The following CCAR2 variants were observed in gnomAD, a reference collection of about 807,000 sequenced individuals.
The protein encoded by CCAR2 is cell cycle and apoptosis regulator protein 2.
A neutral mutation model predicts 108.1 loss-of-function variants in CCAR2; 21 were observed. The observed-to-expected ratio is 0.19, with a 90% CI of 0.14 to 0.28. The LOEUF is 0.28. CCAR2 is among the 10% of genes least tolerant of loss of function. CCAR2 has a pLI of 1.00. For synonymous variants in CCAR2, 577 were observed against 472.8 expected, an observed-to-expected ratio of 1.22 and a Z score of -2.86; for missense variants, 1,126 against 1,177.0, an observed-to-expected ratio of 0.96 and a Z score of 0.63.
intron 14 of CCAR2, chr8:22,616,807 C>T (rs1451545295): frequency 2.1e-5 from 3 of 143,074 alleles, no homozygotes; most frequent in South Asian, 4.7e-4. Flanking sequence ...GAGAGTAAGA[C>T]TCTCTGTCTC....
intron 16 of CCAR2, chr8:22,618,071 G>A: frequency 1.7e-6 from 1 of 592,996 alleles, no homozygotes; most frequent in Admixed American, 3.0e-5. Flanking sequence ...TGAACATCAG[G>A]CAAGGTGCTT....
At chr8:22,611,388 A>ATGTGTGTGTGTGTG (rs145362940) in intron 7 of CCAR2, among the ~76,000 whole-genome samples, 1,785 of 128,428 alleles carry the variant, frequency 0.014, 51 homozygotes, top group African/African-American at 0.051. Flanking sequence ...AAGTATATAT[A>ATGTGTGTGTGTGTG]TGTGTGTGTG....
rs1450146025 is a variant in CCAR2, at chr8:22,617,750, A to AGAT, written c.2047_2049dup (p.Met683dup). On this transcript the variant is annotated inframe_insertion, in exon 16 of 21. Transcript: ENST00000308511. Reference sequence around the variant, plus strand: ...CGGTCCGTTGCCTCAAACCAGTCAGAGATGGAGTTCTCTTCACTTCAGGAC... The same window carrying AGAT: ...CGGTCCGTTGCCTCAAACCAGTCAGAGATGATGGAGTTCTCTTCACTTCAGGAC... 6.2e-7 allele frequency: 1 copy of AGAT among 1,613,910 alleles called. No homozygotes were observed.
Position 22,607,334 on chromosome 8 carries a change from G to C in CCAR2, c.487+9G>C. ...ACTCTTTCCTCAGAAGCGTGAGTAC[G>C]AGTGGCACTGTTGTTGGGTGTGGCA... On this transcript the variant is annotated intron_variant, in intron 6 of 20. Coordinates refer to ENST00000308511, the MANE Select transcript of CCAR2 (RefSeq NM_001393997.1). The C allele has an allele frequency of 6.2e-7, 1 of 1,609,202 alleles. No homozygotes were observed. Among genetic ancestry groups the C allele is most frequent in the Non-Finnish European group, 8.5e-7 (1 of 1,179,948 alleles).
chr8:22,610,474 G>C (rs960653560), intron 7 of CCAR2, among the ~76,000 whole-genome samples: 2 of 152,226 alleles, frequency 1.3e-5, no homozygotes, highest in Non-Finnish European at 2.9e-5. Flanking sequence ...TACAGGAAGC[G>C]GAGGAAAGTG....
At chr8:22,606,375 T>C (rs1801079483) in intron 3 of CCAR2, among the ~76,000 whole-genome samples, 199 bp downstream of exon 3, 2 of 152,208 alleles carry the variant, frequency 1.3e-5, no homozygotes, top group African/African-American at 4.8e-5. Context: ...AGCTTACGTC[T>C]TGGAATTAAT....
Position 22,616,105 on chromosome 8 carries a change from G to A in CCAR2, c.1702G>A (p.Val568Met), listed in dbSNP as rs201261640. 4.8e-5 allele frequency: 77 copies of A among 1,614,032 alleles called. 3 individuals are homozygous for A. The South Asian group carries it at 5.9e-4, about 12-fold the overall frequency. The change falls in exon 14 of 21, where the codon GTG (valine) becomes ATG (methionine). Residue 568 changes from valine (V) to methionine (M), a missense_variant. Physicochemically the swap from Val to Met is conservative, Grantham distance 21 (BLOSUM62 1). Coordinates refer to ENST00000308511, the MANE Select transcript of CCAR2 (RefSeq NM_001393997.1). ...GCTACTGAGCCTTCCTGAAAAGGTC[G>A]TGTCCCCACCTGAACCTGAGAAGGA... is the stretch of plus-strand genomic sequence containing the variant. Reference protein sequence around the residue: ...KMLLSLPEKVVSPPEPEKEEA... With the variant: ...KMLLSLPEKVMSPPEPEKEEA...
chr8:22,617,899 A>C (rs1180777895), intron 16 of CCAR2, 121 bp downstream of exon 16: 1 of 1,018,274 alleles, frequency 9.8e-7, no homozygotes, highest in Non-Finnish European at 1.5e-6. Flanking sequence ...CCCAACACAC[A>C]GTGTGGTCCT....
intron 12 of CCAR2, 37 bp downstream of exon 12, chr8:22,615,633 G>T (rs1396653793): frequency 2.5e-6 from 4 of 1,613,658 alleles, no homozygotes; most frequent in Middle Eastern, 1.6e-4. Flanking sequence ...GGGGATATAG[G>T]TGGCCTAATC....
chr8:22,615,422 C>G lies in CCAR2; in HGVS notation c.1206-3C>G. ...AGTTAGTACCTCCTTTTGCCATGTG[C>G]AGGTGGCGCTTTGCCGAGTTTCAGT... On this transcript the variant is annotated splice_polypyrimidine_tract_variant and splice_region_variant and intron_variant, in intron 11 of 20. Transcript: ENST00000308511. 6.2e-7 allele frequency: 1 copy of G among 1,612,528 alleles called. No homozygotes were observed.
chr8:22,607,316 C>T lies in CCAR2; in HGVS notation c.478C>T (p.Pro160Ser). The T allele has an allele frequency of 1.9e-6, 3 of 1,612,126 alleles. No homozygotes were observed. The highest frequency in any genetic ancestry group is 1.7e-6 in the Non-Finnish European group (2 of 1,180,012). ...FQPHRIPPLF[P>S]QKPLSLFQTS... is the part of the protein sequence containing the mutation. ...GCCTCACCGGATTCCCCCACTCTTT[C>T]CTCAGAAGCGTGAGTACGAGTGGCA... The change falls in exon 6 of 21, where the codon CCT becomes TCT. Residue 160 changes from proline to serine, a missense_variant. By Grantham distance (74) the Pro-to-Ser change is moderately conservative (BLOSUM62 -1). Around this residue, in one of 4 missense-constraint regions of CCAR2, gnomAD observed 1,013 missense variants for 993.9 expected, o/e 1.02. Coordinates refer to ENST00000308511, the MANE Select transcript of CCAR2 (RefSeq NM_001393997.1).
At chr8:22,621,177 C>G (rs1478265992), downstream of CCAR2, 1 of 527,202 alleles carries the variant, frequency 1.9e-6, no homozygotes, top group South Asian at 2.3e-5. Flanking sequence ...CTGGACGGTT[C>G]TCCAAATAAA....
intron 3 of CCAR2, 88 bp from the exon 4 acceptor site, chr8:22,606,519 G>A: frequency 9.9e-7 from 1 of 1,007,256 alleles, no homozygotes; most frequent in East Asian, 2.5e-5. Flanking sequence ...CTGAGCTGGG[G>A]CGTGGGTTGA....
chr8:22,609,891 G>A (rs73672799), intron 7 of CCAR2, among the ~76,000 whole-genome samples: 2,291 of 152,288 alleles, frequency 0.015, 49 homozygotes, highest in African/African-American at 0.051. Flanking sequence ...CAGAAAGGAC[G>A]TACAGGTTGA....
intron 1 of CCAR2, 115 bp downstream of exon 1, chr8:22,604,957 G>C: frequency 2.9e-6 from 1 of 344,252 alleles, no homozygotes; most frequent in South Asian, 2.1e-5. Context: ...AAGGGGCCGA[G>C]CCCCTCTTTG....
chr8:22,614,833 T>A lies in CCAR2; in HGVS notation c.1042-5T>A. The A allele has an allele frequency of 6.2e-7, 1 of 1,613,910 alleles. No homozygotes were observed. On this transcript the variant is annotated splice_polypyrimidine_tract_variant and splice_region_variant and intron_variant, in intron 10 of 20. Transcript: ENST00000308511. The stretch of plus-strand genomic sequence containing the variant: ...TTGTTTTGTATCCCTGATCTCTTCT[T>A]GCAGTTTTTGCTGGGCAGGAAAGAA...
rs1214739496 is a variant in CCAR2 at position 22,614,942 on chromosome 8, T to C, written c.1146T>C (p.Arg382=). 3 of 1,612,006 alleles carry C rather than the reference T, an allele frequency of 1.9e-6. No homozygotes were observed. The highest frequency in any genetic ancestry group is 3.3e-5 in the Admixed American group (2 of 59,722). Reference sequence around the variant, plus strand: ...AGGCTGACCCGCAGGTGCTGGTGCGTACCGCCATCCGCTGTGCGCAGGCCC... The same window carrying C: ...AGGCTGACCCGCAGGTGCTGGTGCGCACCGCCATCCGCTGTGCGCAGGCCC... The part of the protein sequence containing the change: ...DPQADPQVLV[R]TAIRCAQAQT... The change falls in exon 11 of 21, where the codon CGT becomes CGC. Residue 382 remains arginine (R), a synonymous_variant. Transcript: ENST00000308511.
At position 22,618,664 on chromosome 8, in the gene CCAR2, C is replaced by T. The variant is rs1399233436; in HGVS notation, c.2268C>T (p.Tyr756=). 6.2e-7 allele frequency: 1 copy of T among 1,614,014 alleles called. No homozygotes were observed. Among genetic ancestry groups the T allele is most frequent in the Admixed American group, 1.7e-5 (1 of 60,012 alleles). The part of the protein sequence containing the change: ...SRVVTQNICQ[Y]RSLQYSRQEG... ...TGGTGACCCAGAACATCTGCCAGTACCGGAGCCTTCAGTACAGCCGCCAGG... is the reference window on the plus strand; with the variant it reads ...TGGTGACCCAGAACATCTGCCAGTATCGGAGCCTTCAGTACAGCCGCCAGG... Residue 756 remains tyrosine, a synonymous_variant, in exon 18 of 21, where the codon TAC becomes TAT. Transcript: ENST00000308511.
rs1801497330 is a variant in CCAR2 at position 22,616,134 on chromosome 8, G to A, written c.1731G>A (p.Glu577=). The A allele has an allele frequency of 6.2e-7, 1 of 1,613,740 alleles. No individual in the cohort carries two copies. The highest frequency in any genetic ancestry group is 2.2e-5 in the East Asian group (1 of 44,886). The change falls in exon 14 of 21, where the codon GAG becomes GAA. Residue 577 remains glutamate (E), a synonymous_variant. Coordinates refer to ENST00000308511, the MANE Select transcript of CCAR2 (RefSeq NM_001393997.1). ...CCCCACCTGAACCTGAGAAGGAGGA[G>A]GCGGCCAAGGAAGAAGCCACCAAGG... ...VVSPPEPEKE[E]AAKEEATKEE... is the part of the protein sequence containing the mutation.
Sources: gnomAD v4.1 joint callset for allele counts (sites outside exome capture counted in the v4.1 genomes callset) on GRCh38, gnomAD v4.1.1 for gene constraint, gnomAD v4.1.1 regional missense constraint, MANE v1.5 for transcripts, NCBI Gene and HGNC (gene_info 2026-07-23, HGNC 2026-07-21) for gene names.